Variants in CDC42 observed in about 807,000 individuals in gnomAD.
CDC42 encodes the protein cell division control protein 42 homolog.
A neutral mutation model predicts 20.8 loss-of-function variants in CDC42; 1 was observed. The observed-to-expected ratio is 0.05, with a 90% CI of 0.02 to 0.23. The LOEUF is 0.23. CDC42 is among the 10% of genes least tolerant of loss of function. The pLI is 1.00. For synonymous variants in CDC42, 72 were observed against 84.8 expected, an observed-to-expected ratio of 0.85 and a Z score of 0.83; for missense variants, 49 against 227.9, an observed-to-expected ratio of 0.21 and a Z score of 5.05.
Position 22,073,340 on chromosome 1 carries a change from C to T in CDC42, c.-50-5089C>T, listed in dbSNP as rs1645512727. Among the ~76,000 whole-genome samples, 3 of 151,844 alleles carry T rather than the reference C, an allele frequency of 2.0e-5. No individual in the cohort carries two copies. The South Asian group carries it at 6.2e-4, about 32-fold the overall frequency. On this transcript the variant is annotated intron_variant, in intron 1 of 5. Coordinates refer to ENST00000656825, the MANE Select transcript of CDC42 (RefSeq NM_001791.4). Reference sequence around the variant, plus strand: ...TCACCTGAGGTCAGGATTTTGAGACCAGCCTGGCCAATGTGGCGAAACCCC... The same window carrying T: ...TCACCTGAGGTCAGGATTTTGAGACTAGCCTGGCCAATGTGGCGAAACCCC...
chr1:22,079,195 GTAGCGCGATC>G (rs1645583039), intron 2 of CDC42, among the ~76,000 whole-genome samples: 1 of 145,582 alleles, frequency 6.9e-6, no homozygotes, highest in African/African-American at 2.6e-5. Context: ...CTGGAGTGCA[GTAGCGCGATC>G]TCGGCTTGCT....
intron 2 of CDC42, 88 bp downstream of exon 2, chr1:22,078,671 T>G: frequency 6.5e-7 from 1 of 1,540,206 alleles, no homozygotes; most frequent in South Asian, 1.2e-5. Flanking sequence ...ACTGAATTTT[T>G]TTCTGTTGTC....
chr1:22,085,097 T>G (rs779204891), intron 3 of CDC42, among the ~76,000 whole-genome samples: 29 of 151,810 alleles, frequency 1.9e-4, no homozygotes, highest in Admixed American at 3.3e-4. Flanking sequence ...CCTGGTGCGG[T>G]GGTGTGTGCC....
chr1:22,076,071 C>G (rs1271398026), intron 1 of CDC42, among the ~76,000 whole-genome samples: 1 of 152,142 alleles, frequency 6.6e-6, no homozygotes, highest in Non-Finnish European at 1.5e-5. Flanking sequence ...TGGTAACTCA[C>G]GGATATATAC....
intron 3 of CDC42, among the ~76,000 whole-genome samples, chr1:22,085,982 A>G (rs1312713217): frequency 2.0e-5 from 3 of 152,256 alleles, no homozygotes; most frequent in Non-Finnish European, 4.4e-5. Context: ...AGTAGCTGGG[A>G]TTACAGATGT....
intron 1 of CDC42, among the ~76,000 whole-genome samples, chr1:22,056,265 T>C (rs1243980318): frequency 1.3e-5 from 2 of 152,246 alleles, no homozygotes; most frequent in Admixed American, 6.5e-5. Context: ...TTGTGCTTGG[T>C]CAGCCATATC....
intron 2 of CDC42, 70 bp downstream of exon 2, chr1:22,078,653 C>G: frequency 1.3e-6 from 2 of 1,550,876 alleles, no homozygotes; most frequent in South Asian, 1.2e-5. Context: ...AACGCTTTCT[C>G]TATGTGTACT....
chr1:22,055,360 CCT>C (rs1046218848), intron 1 of CDC42, among the ~76,000 whole-genome samples: 1 of 149,130 alleles, frequency 6.7e-6, no homozygotes, highest in Non-Finnish European at 1.5e-5. Flanking sequence ...GGTATCACAT[CCT>C]CTGTTTATAC....
At position 22,066,163 on chromosome 1, in the gene CDC42, C is replaced by T. The variant is rs191101527; in HGVS notation, c.-50-12266C>T. On this transcript the variant is annotated intron_variant, in intron 1 of 5. Coordinates refer to ENST00000656825, the MANE Select transcript of CDC42 (RefSeq NM_001791.4). ...CAGTATTGTATTGGCTGCATTGGGA[C>T]GGGGAATAAAGAAGTATAAGCCTAG... Among the ~76,000 whole-genome samples the T allele has an allele frequency of 8.6e-5, 13 of 151,992 alleles. No homozygotes were observed. In the East Asian group the frequency reaches 1.2e-3, roughly 14 times the overall value.
chr1:22,073,714 G>A (rs1054970609), intron 1 of CDC42, among the ~76,000 whole-genome samples: 2 of 151,984 alleles, frequency 1.3e-5, no homozygotes, highest in Non-Finnish European at 2.9e-5. Context: ...CAGCCTGGAG[G>A]GCAGTGGCAC....
At chr1:22,061,262 G>A (rs1557893229) in intron 1 of CDC42, among the ~76,000 whole-genome samples, 1 of 151,890 alleles carries the variant, frequency 6.6e-6, no homozygotes, top group Non-Finnish European at 1.5e-5. Context: ...CAAAAAATTA[G>A]CCAGGTGTGG....
At chr1:22,058,906 C>T (rs372941286) in intron 1 of CDC42, among the ~76,000 whole-genome samples, 30 of 152,188 alleles carry the variant, frequency 2.0e-4, no homozygotes, top group African/African-American at 7.0e-4. Flanking sequence ...CCTTGAACTC[C>T]TGGGCTTAAA....
Position 22,066,428 on chromosome 1 carries a change from G to A in CDC42, c.-50-12001G>A, listed in dbSNP as rs112027907. 2.0e-3 allele frequency among the ~76,000 whole-genome samples: 306 copies of A among 152,186 alleles called. 2 individuals carry two copies. The highest frequency in any genetic ancestry group is 7.1e-3 in the African/African-American group (294 of 41,532). The stretch of plus-strand genomic sequence containing the variant: ...AAGCATATGTGACTAAAAATAACAT[G>A]GTTAATTACTCCTGTGATTCATTTA... On this transcript the variant is annotated intron_variant, in intron 1 of 5. Transcript: ENST00000656825.
At chr1:22,053,997 CTG>C (rs1645267529) in intron 1 of CDC42, among the ~76,000 whole-genome samples, 1 of 152,144 alleles carries the variant, frequency 6.6e-6, no homozygotes, top group Non-Finnish European at 1.5e-5. Context: ...CTTTCCCAGA[CTG>C]TTTATTCTCC....
chr1:22,054,065 G>A (rs890944260), intron 1 of CDC42, among the ~76,000 whole-genome samples: 1 of 152,282 alleles, frequency 6.6e-6, no homozygotes, highest in African/African-American at 2.4e-5. Flanking sequence ...TGCACTTTTT[G>A]TGGTGAAGTT....
In CDC42 at chr1:22,091,750, AT is replaced by A. The variant is rs3036807; in HGVS notation, c.*242del. 81 of 114,750 alleles carry A rather than the reference AT, an allele frequency of 7.1e-4. No homozygotes were observed. The highest frequency in any genetic ancestry group is 2.8e-3 in the Middle Eastern group (1 of 354). 7.1% of individuals were successfully genotyped at this position (114,750 alleles called of 1,614,324 possible). A position where few individuals can be genotyped will look rare whatever the true frequency, so the allele number is the denominator to read the frequency against. ...TATTGTCAGAAAAGTGATTAGTACT[AT>A]TTTTTTTTGTTGTTTCAAAAAAAAA... On this transcript the variant is annotated 3_prime_UTR_variant, in exon 6 of 6. Transcript: ENST00000656825.
chr1:22,067,070 A>G (rs1324450244), intron 1 of CDC42, among the ~76,000 whole-genome samples: 1 of 152,154 alleles, frequency 6.6e-6, no homozygotes, highest in Non-Finnish European at 1.5e-5. Context: ...TGGGGAGGTA[A>G]GAGACCTGTG....
At chr1:22,084,733 C>G (rs908063998) in intron 3 of CDC42, among the ~76,000 whole-genome samples, 1 of 152,038 alleles carries the variant, frequency 6.6e-6, no homozygotes. Flanking sequence ...GCCAAGTCCA[C>G]CTGAATCTTT....
Position 22,100,965 on chromosome 1 carries a change from A to G in CDC42, c.*9448A>G, listed in dbSNP as rs1436634162. On this transcript the variant is annotated 3_prime_UTR_variant, in exon 6 of 6. Coordinates refer to ENST00000656825, the MANE Select transcript of CDC42 (RefSeq NM_001791.4). The stretch of plus-strand genomic sequence containing the variant: ...TTCTCCATAACTTGAGGATTTCACA[A>G]TTGTATTGGAATTATTGGTGTTAAG... 1 of 152,098 alleles carries G rather than the reference A, an allele frequency of 6.6e-6. No homozygotes were observed. The highest frequency in any genetic ancestry group is 1.5e-5 in the Non-Finnish European group (1 of 68,032). The allele number at this position is 152,098 out of a possible 1,614,324, so 9.4% of individuals were successfully genotyped here.
Sources: allele counts gnomAD v4.1 joint callset (sites outside exome capture counted in the v4.1 genomes callset), GRCh38; gene constraint gnomAD v4.1.1; transcripts MANE v1.5; gene names NCBI Gene and HGNC (gene_info 2026-07-23, HGNC 2026-07-21).